The following ELMO1 variants were observed in gnomAD, a reference collection of about 807,000 sequenced individuals.
The protein encoded by ELMO1 is engulfment and cell motility protein 1.
In ELMO1, 26 loss-of-function variants were observed where a neutral mutation model predicts 98.9. The ratio of observed to expected loss-of-function variants is 0.26; its 90% CI spans 0.19 to 0.36. The LOEUF (loss-of-function observed/expected upper bound fraction) is 0.36, where lower values mean the gene tolerates loss of function less well. Among genes scored for constraint, ELMO1 ranks in the 10% least tolerant of loss-of-function variants. The probability of loss-of-function intolerance (pLI) is 1.00; values close to 1 mark genes in which losing one functional copy is unlikely to be tolerated. For missense variants in ELMO1, 627 were observed against 935.2 expected (o/e 0.67, Z 4.30); for synonymous variants, 346 against 346.0 (o/e 1.00, Z 0.00).
At chr7:37,014,705 TC>T (rs1793804867) in intron 15 of ELMO1, among the ~76,000 whole-genome samples, 1 of 152,026 alleles carries the variant, frequency 6.6e-6, no homozygotes, top group South Asian at 2.1e-4. Context: ...AACTCCCACT[TC>T]TGAGTGAGAA....
chr7:37,106,587 A>G (rs1384515005), intron 14 of ELMO1, among the ~76,000 whole-genome samples: 1 of 152,104 alleles, frequency 6.6e-6, no homozygotes. Context: ...TATTTTGTTA[A>G]AGCAGCAAAA....
intron 15 of ELMO1, among the ~76,000 whole-genome samples, chr7:37,024,828 G>A (rs575747517): frequency 6.6e-6 from 1 of 152,152 alleles, no homozygotes; most frequent in South Asian, 2.1e-4. Flanking sequence ...AAAAGTCCTT[G>A]ATTTAAGGTT....
Position 36,861,710 on chromosome 7 carries a change from G to A in ELMO1, c.1932C>T (p.Ile644=), listed in dbSNP as rs780696998. The A allele has an allele frequency of 6.2e-7, 1 of 1,612,492 alleles. No individual in the cohort carries two copies. The highest frequency in any genetic ancestry group is 1.1e-5 in the South Asian group (1 of 91,010). The stretch of plus-strand genomic sequence containing the variant: ...TCAGTTGGCAGTTTGAGTCATACAA[G>A]ATGGAGAAAGCGAGTTCAAGCACCT... ...NKEVLELAFS[I]LYDSNCQLNF... is the part of the protein sequence containing the mutation. Residue 644 remains isoleucine (I), a synonymous_variant, in exon 21 of 22, where the codon ATC becomes ATT. Transcript: ENST00000310758.
chr7:36,927,917 G>A (rs372893142), intron 16 of ELMO1, among the ~76,000 whole-genome samples: 1 of 152,156 alleles, frequency 6.6e-6, no homozygotes, highest in East Asian at 1.9e-4. Flanking sequence ...CAGTAAATAG[G>A]TGATTGATCT....
intron 13 of ELMO1, among the ~76,000 whole-genome samples, chr7:37,154,270 G>A (rs1245803950): frequency 1.3e-5 from 2 of 152,180 alleles, no homozygotes; most frequent in Non-Finnish European, 2.9e-5. Flanking sequence ...CCAAAGGATC[G>A]CAGCTCCTCT....
chr7:37,345,662 G>A (rs1024942902), intron 1 of ELMO1, among the ~76,000 whole-genome samples: 8 of 151,826 alleles, frequency 5.3e-5, no homozygotes, highest in African/African-American at 1.4e-4. Flanking sequence ...GACCAAGATC[G>A]CACCACTGCA....
chr7:37,409,170 C>G (rs1731984), intron 1 of ELMO1, among the ~76,000 whole-genome samples: 61,843 of 151,160 alleles, frequency 0.41, 13,205 homozygotes, highest in Non-Finnish European at 0.48. Context: ...CTAAAACCTA[C>G]TGGATGCCAA....
At chr7:37,131,229 G>A (rs1237267146) in intron 14 of ELMO1, among the ~76,000 whole-genome samples, 2 of 151,880 alleles carry the variant, frequency 1.3e-5, no homozygotes, top group Non-Finnish European at 2.9e-5. Context: ...TTAGGGAAAG[G>A]ACACTTCTGA....
At chr7:37,051,980 A>T (rs1796133631) in intron 15 of ELMO1, among the ~76,000 whole-genome samples, 1 of 152,234 alleles carries the variant, frequency 6.6e-6, no homozygotes. Flanking sequence ...GTCATTAAAC[A>T]GCAGAGGTTC....
At chr7:37,100,558 T>A (rs1259735312) in intron 14 of ELMO1, among the ~76,000 whole-genome samples, 1 of 152,220 alleles carries the variant, frequency 6.6e-6, no homozygotes, top group East Asian at 1.9e-4. Context: ...TCTGACACAC[T>A]CTCTCTTCCA....
chr7:37,366,354 A>G (rs1172053853), intron 1 of ELMO1, among the ~76,000 whole-genome samples: 1 of 152,238 alleles, frequency 6.6e-6, no homozygotes, highest in East Asian at 1.9e-4. Flanking sequence ...TATTAAGAAA[A>G]CAAACCACCC....
At position 36,853,384 on chromosome 7, in the gene ELMO1, G is replaced by A. The variant is rs949602195; in HGVS notation, c.*2167C>T. ...GTGTCTCAGGACCTCAGAGATCCTG[G>A]TCCAGAAAGTTCCCTTTTTCATGGA... On this transcript the variant is annotated 3_prime_UTR_variant, in exon 22 of 22. Coordinates refer to ENST00000310758, the MANE Select transcript of ELMO1 (RefSeq NM_014800.11). Among the ~76,000 whole-genome samples, 1 of 152,128 alleles carries A rather than the reference G, an allele frequency of 6.6e-6. No homozygotes were observed. Among genetic ancestry groups the A allele is most frequent in the African/African-American group, 2.4e-5 (1 of 41,418 alleles).
chr7:37,281,049 C>A (rs1387224889), intron 4 of ELMO1, among the ~76,000 whole-genome samples: 1 of 150,622 alleles, frequency 6.6e-6, no homozygotes, highest in African/African-American at 2.4e-5. Flanking sequence ...TGGAATACTA[C>A]ACAGCCATAA....
intron 2 of ELMO1, among the ~76,000 whole-genome samples, chr7:37,325,770 C>T (rs1799766956): frequency 1.3e-5 from 2 of 152,020 alleles, no homozygotes; most frequent in South Asian, 4.2e-4. Flanking sequence ...TAACGTTGGC[C>T]CAGGAAGAAA....
chr7:37,157,021 A>T (rs2193022), intron 13 of ELMO1, among the ~76,000 whole-genome samples: 106,791 of 152,050 alleles, frequency 0.7, 40,313 homozygotes, highest in Non-Finnish European at 0.83. Flanking sequence ...ACATATGCAA[A>T]TCAATAAACA....
At chr7:36,869,432 G>T (rs1040205825) in intron 20 of ELMO1, among the ~76,000 whole-genome samples, 1 of 152,166 alleles carries the variant, frequency 6.6e-6, no homozygotes, top group Non-Finnish European at 1.5e-5. Flanking sequence ...TATAACAATA[G>T]AAATTACACA....
intron 7 of ELMO1, among the ~76,000 whole-genome samples, chr7:37,242,404 T>A (rs746708549): frequency 6.6e-6 from 1 of 152,206 alleles, no homozygotes; most frequent in Non-Finnish European, 1.5e-5. Flanking sequence ...TTAAAAAACC[T>A]TCATCTGCTA....
chr7:37,292,673 A>T (rs1411406167), intron 4 of ELMO1, among the ~76,000 whole-genome samples: 3 of 92,232 alleles, frequency 3.3e-5, no homozygotes, highest in South Asian at 3.8e-4. Context: ...TCCGCCCAGC[A>T]GCCACCCCGT....
chr7:37,235,568 C>A (rs1221236085), intron 7 of ELMO1, among the ~76,000 whole-genome samples: 8 of 152,186 alleles, frequency 5.3e-5, no homozygotes, highest in African/African-American at 1.9e-4. Context: ...AGGCAAAAAA[C>A]CTGCCTCAGT....
Sources: gnomAD v4.1 joint callset for allele counts (sites outside exome capture counted in the v4.1 genomes callset) on GRCh38, gnomAD v4.1.1 for gene constraint, MANE v1.5 for transcripts, NCBI Gene and HGNC (gene_info 2026-07-23, HGNC 2026-07-21) for gene names.